The following BRMS1L variants were observed in gnomAD, a reference collection of about 807,000 sequenced individuals.
BRMS1L encodes breast cancer metastasis-suppressor 1-like protein.
A neutral mutation model predicts 50.3 loss-of-function variants in BRMS1L; 23 were observed. That is an observed-to-expected ratio of 0.46 (90% CI 0.33 to 0.65). The LOEUF is 0.65. Among genes scored for constraint, BRMS1L ranks in the 30% least tolerant of loss-of-function variants. The pLI is 0.02. For missense variants in BRMS1L, 286 were observed against 386.1 expected (o/e 0.74, Z 2.17); for synonymous variants, 114 against 126.9 (o/e 0.90, Z 0.69).
intron 4 of BRMS1L, among the ~76,000 whole-genome samples, chr14:35,850,817 C>T (rs2078202239): frequency 6.6e-6 from 1 of 152,146 alleles, no homozygotes. Context: ...TTCCCAACGT[C>T]ATTTTATTTT....
At chr14:35,853,421 AATG>A (rs955212015) in intron 4 of BRMS1L, among the ~76,000 whole-genome samples, 4 of 150,516 alleles carry the variant, frequency 2.7e-5, no homozygotes, top group Admixed American at 1.3e-4. Context: ...TGATGATGAT[AATG>A]ATGATTTTTT....
intron 4 of BRMS1L, among the ~76,000 whole-genome samples, chr14:35,859,101 C>T (rs930972503): frequency 2.6e-5 from 4 of 151,860 alleles, no homozygotes; most frequent in South Asian, 2.1e-4. Context: ...GCACCACGCC[C>T]GGCTTATTTT....
At chr14:35,865,077 C>A in intron 7 of BRMS1L, 78 bp downstream of exon 7, 1 of 1,054,024 alleles carries the variant, frequency 9.5e-7, no homozygotes, top group South Asian at 1.7e-5. Context: ...TTTGTTAGTA[C>A]ATCAAAATAT....
Position 35,865,751 on chromosome 14 carries a change from G to C in BRMS1L, c.717G>C (p.Val239=). 2 of 1,589,976 alleles carry C rather than the reference G, an allele frequency of 1.3e-6. No homozygotes were observed. Among genetic ancestry groups the C allele is most frequent in the Non-Finnish European group, 1.7e-6 (2 of 1,168,186 alleles). Residue 239 remains valine, a synonymous_variant, in exon 8 of 10, where the codon GTG becomes GTC. Coordinates refer to ENST00000216807, the MANE Select transcript of BRMS1L (RefSeq NM_032352.4). ...KAMATLGPHR[V]KTEPPVKLEK... Reference sequence around the variant, plus strand: ...TGGCTACATTGGGGCCACACAGAGTGAAAACGGAACGTAAGTCATTTAGTC... The same window carrying C: ...TGGCTACATTGGGGCCACACAGAGTCAAAACGGAACGTAAGTCATTTAGTC...
At chr14:35,842,808 G>C (rs1006244351) in intron 4 of BRMS1L, among the ~76,000 whole-genome samples, 1 of 152,198 alleles carries the variant, frequency 6.6e-6, no homozygotes, top group Admixed American at 6.5e-5. Context: ...TCACTTTCAG[G>C]TATGCCAGTC....
chr14:35,863,410 T>A (rs960102432), intron 5 of BRMS1L, among the ~76,000 whole-genome samples: 7 of 152,206 alleles, frequency 4.6e-5, no homozygotes, highest in African/African-American at 1.7e-4. Flanking sequence ...TTATAAAGTT[T>A]AGTTCTCTAT....
At chr14:35,855,540 G>T (rs2078268801) in intron 4 of BRMS1L, among the ~76,000 whole-genome samples, 1 of 152,054 alleles carries the variant, frequency 6.6e-6, no homozygotes. Context: ...TAAACACATT[G>T]GTCTTCTTCT....
At position 35,833,031 on chromosome 14, in the gene BRMS1L, C is replaced by A. The variant is rs1370051617; in HGVS notation, c.287C>A (p.Ala96Asp). The A allele has an allele frequency of 1.2e-6, 2 of 1,613,144 alleles. No individual in the cohort carries two copies. The highest frequency in any genetic ancestry group is 1.7e-6 in the Non-Finnish European group (2 of 1,179,524). ...GATGCAAAACTACAAGAAGTCATAGCTGGAAAAGCACCAGAATACTTGGAA... is the reference window on the plus strand; with the variant it reads ...GATGCAAAACTACAAGAAGTCATAGATGGAAAAGCACCAGAATACTTGGAA... ...QVDAKLQEVI[A>D]GKAPEYLEPL... Residue 96 changes from alanine (A) to aspartate (D), a missense_variant, in exon 3 of 10, where the codon GCT becomes GAT. Physicochemically the swap from Ala to Asp is moderately radical, Grantham distance 126 (BLOSUM62 -2). Transcript: ENST00000216807.
chr14:35,840,769 A>C (rs1304949584), intron 4 of BRMS1L, among the ~76,000 whole-genome samples: 2 of 151,816 alleles, frequency 1.3e-5, no homozygotes, highest in African/African-American at 4.8e-5. Flanking sequence ...CTTCTTTATT[A>C]GTCTGGCTAG....
intron 4 of BRMS1L, among the ~76,000 whole-genome samples, chr14:35,858,943 ATT>A (rs199798027): frequency 1.1e-4 from 15 of 134,296 alleles, no homozygotes; most frequent in Admixed American, 1.5e-4. Flanking sequence ...TATCTTACCC[ATT>A]TTTTTTTTTT....
At chr14:35,854,430 C>T (rs1477426261) in intron 4 of BRMS1L, among the ~76,000 whole-genome samples, 1 of 152,218 alleles carries the variant, frequency 6.6e-6, no homozygotes, top group Non-Finnish European at 1.5e-5. Context: ...AGCTGGGTTT[C>T]CTTCTCACTG....
intron 1 of BRMS1L, among the ~76,000 whole-genome samples, chr14:35,827,742 TTAAC>T (rs373081930): frequency 6.6e-6 from 1 of 152,346 alleles, no homozygotes; most frequent in South Asian, 2.1e-4. Flanking sequence ...AAATGAATGC[TTAAC>T]TAAATGTTGC....
intron 4 of BRMS1L, among the ~76,000 whole-genome samples, chr14:35,839,245 C>A (rs2078031499): frequency 6.6e-6 from 1 of 152,122 alleles, no homozygotes; most frequent in Non-Finnish European, 1.5e-5. Context: ...TGTTTTGGTA[C>A]CAGTACCATG....
At chr14:35,827,129 C>CG (rs2077857450) in intron 1 of BRMS1L, among the ~76,000 whole-genome samples, 1 of 152,172 alleles carries the variant, frequency 6.6e-6, no homozygotes, top group Non-Finnish European at 1.5e-5. Flanking sequence ...AGTGTCTTTT[C>CG]GGGGGCTAAC....
chr14:35,828,167 C>CT (rs201992981), intron 1 of BRMS1L, among the ~76,000 whole-genome samples: 23 of 149,372 alleles, frequency 1.5e-4, no homozygotes, highest in South Asian at 4.2e-4. Flanking sequence ...AGACATGTTG[C>CT]TTTTTTTTTT....
intron 4 of BRMS1L, among the ~76,000 whole-genome samples, chr14:35,858,025 A>G (rs2078304106): frequency 6.6e-6 from 1 of 151,982 alleles, no homozygotes; most frequent in Non-Finnish European, 1.5e-5. Flanking sequence ...AAAAAAAAAA[A>G]AAAAGCACTG....
intron 4 of BRMS1L, among the ~76,000 whole-genome samples, chr14:35,847,989 G>A (rs915640300): frequency 1.3e-5 from 2 of 152,102 alleles, no homozygotes; most frequent in African/African-American, 4.8e-5. Flanking sequence ...CATCTTTGCT[G>A]TTATAAATGG....
intron 4 of BRMS1L, among the ~76,000 whole-genome samples, chr14:35,836,015 G>T (rs1301616085): frequency 6.6e-6 from 1 of 152,152 alleles, no homozygotes; most frequent in Non-Finnish European, 1.5e-5. Flanking sequence ...GAGTAGTTAG[G>T]TATAAAAATG....
chr14:35,830,734 G>A (rs1302698285), intron 1 of BRMS1L, among the ~76,000 whole-genome samples: 1 of 152,112 alleles, frequency 6.6e-6, no homozygotes, highest in Non-Finnish European at 1.5e-5. Context: ...ATGTTTTTGA[G>A]CAATGTTAGC....
Sources: gnomAD v4.1 joint callset for allele counts (sites outside exome capture counted in the v4.1 genomes callset) on GRCh38, gnomAD v4.1.1 for gene constraint, MANE v1.5 for transcripts, NCBI Gene and HGNC (gene_info 2026-07-23, HGNC 2026-07-21) for gene names.